NREP: variants seen among roughly 807,000 people sequenced by gnomAD.
NREP encodes the protein neuronal regeneration related protein, also known as neuronal regeneration-related protein.
In NREP, 5 loss-of-function variants were observed where a neutral mutation model predicts 8.6. That is an observed-to-expected ratio of 0.58 (90% CI 0.30 to 1.22). The LOEUF is 1.22. NREP is among the 50% of genes most tolerant of loss of function. The pLI is 0.07. For synonymous variants in NREP, 27 were observed against 28.0 expected (o/e 0.96, Z 0.11); for missense variants, 86 against 82.5 (o/e 1.04, Z -0.17).
intron 2 of NREP, among the ~76,000 whole-genome samples, chr5:111,856,762 C>A (rs1420076938): frequency 1.3e-5 from 2 of 151,390 alleles, no homozygotes; most frequent in Non-Finnish European, 2.9e-5. Context: ...AAAAAACCGA[C>A]TGGTTTGATG....
At chr5:111,826,556 G>A (rs1424651751) in intron 2 of NREP, among the ~76,000 whole-genome samples, 6 of 152,174 alleles carry the variant, frequency 3.9e-5, no homozygotes, top group African/African-American at 1.4e-4. Context: ...AACAAACTCA[G>A]GACACACCAT....
chr5:111,885,037 C>T (rs1374999854), intron 2 of NREP, among the ~76,000 whole-genome samples: 1 of 152,158 alleles, frequency 6.6e-6, no homozygotes, highest in Non-Finnish European at 1.5e-5. Flanking sequence ...GTCAAATTGT[C>T]CCTGTTTGCA....
chr5:111,755,984 G>C, intron 1 of NREP, 154 bp from the exon 2 acceptor site: 1 of 1,427,472 alleles, frequency 7.0e-7, no homozygotes, highest in South Asian at 1.5e-5. Flanking sequence ...TTCTGAAAGA[G>C]CTTTCCAAGT....
At chr5:111,875,126 C>G (rs887948641) in intron 2 of NREP, among the ~76,000 whole-genome samples, 13 of 152,034 alleles carry the variant, frequency 8.6e-5, no homozygotes, top group Non-Finnish European at 1.6e-4. Flanking sequence ...ATAACAAAGA[C>G]AAGGCATACT....
chr5:111,871,095 T>C (rs1263361593), intron 2 of NREP, among the ~76,000 whole-genome samples: 1 of 144,462 alleles, frequency 6.9e-6, no homozygotes, highest in East Asian at 2.0e-4. Context: ...TGTGTAGTCA[T>C]GCATTGCTTA....
chr5:111,835,124 G>A (rs569269803), intron 2 of NREP, among the ~76,000 whole-genome samples: 1 of 152,274 alleles, frequency 6.6e-6, no homozygotes, highest in East Asian at 1.9e-4. Flanking sequence ...AAACAGGAAA[G>A]TTAGTTGATT....
At chr5:111,913,721 T>G (rs1754976548) in intron 2 of NREP, among the ~76,000 whole-genome samples, 1 of 152,128 alleles carries the variant, frequency 6.6e-6, no homozygotes, top group African/African-American at 2.4e-5. Context: ...TTAAGATTTG[T>G]AGGGAGAAAA....
At chr5:111,747,257 TCTC>T (rs1383591738) in intron 2 of NREP, among the ~76,000 whole-genome samples, 5 of 152,176 alleles carry the variant, frequency 3.3e-5, no homozygotes, top group South Asian at 2.1e-4. Context: ...AGCAGTATCT[TCTC>T]CTAATTTCTA....
At chr5:111,929,407 G>A (rs1455479082) in intron 2 of NREP, among the ~76,000 whole-genome samples, 16 of 152,214 alleles carry the variant, frequency 1.1e-4, no homozygotes, top group Admixed American at 9.8e-4. Context: ...TACCTACCAT[G>A]GTAGGAAGCC....
intron 2 of NREP, among the ~76,000 whole-genome samples, chr5:111,827,593 G>A (rs117203511): frequency 1.3e-5 from 2 of 152,324 alleles, no homozygotes; most frequent in East Asian, 3.9e-4. Flanking sequence ...GTTCACACCT[G>A]CAATTTGGGA....
chr5:111,838,332 C>CTA (rs1190257522), intron 2 of NREP, among the ~76,000 whole-genome samples: 2 of 152,092 alleles, frequency 1.3e-5, no homozygotes, highest in African/African-American at 4.8e-5. Flanking sequence ...CAGCACAGGG[C>CTA]TATAGGGCTA....
chr5:111,956,911 C>T (rs927001624), intron 2 of NREP, among the ~76,000 whole-genome samples: 2 of 151,848 alleles, frequency 1.3e-5, no homozygotes, highest in African/African-American at 4.8e-5. Context: ...TTGCAGTGAG[C>T]AGAGATTGCA....
chr5:111,750,096 G>C (rs936534491), intron 2 of NREP, among the ~76,000 whole-genome samples: 1 of 152,100 alleles, frequency 6.6e-6, no homozygotes, highest in African/African-American at 2.4e-5. Context: ...TCAAGTCCTT[G>C]ACTTCTAGGT....
At chr5:111,788,558 T>G (rs1388108275) in intron 2 of NREP, among the ~76,000 whole-genome samples, 1 of 152,178 alleles carries the variant, frequency 6.6e-6, no homozygotes, top group Non-Finnish European at 1.5e-5. Context: ...CAGTCTCACA[T>G]GCACCCAGAA....
intron 2 of NREP, among the ~76,000 whole-genome samples, chr5:111,953,296 T>G (rs1232842800): frequency 6.6e-6 from 1 of 152,156 alleles, no homozygotes; most frequent in East Asian, 1.9e-4. Context: ...GTGTGGCCAT[T>G]GCAGCAAACA....
rs918184846 is a variant in NREP at position 111,947,291 on chromosome 5, A to G, written c.135+27983T>C. ...TAGAGAAAAAACCTTTTTGATTCAG[A>G]TTTTATTAATTCAGATTCAATGTTC... On this transcript the variant is annotated intron_variant, in intron 2 of 3. Coordinates refer to the NREP transcript ENST00000395634. 7.9e-5 allele frequency among the ~76,000 whole-genome samples: 12 copies of G among 152,116 alleles called. 2 individuals are homozygous for G. Among genetic ancestry groups the G allele is most frequent in the Admixed American group, 2.6e-4 (4 of 15,238 alleles).
chr5:111,790,347 CTTTTTTTTTTTTTTTTTTTTTT>C (rs57775701), intron 2 of NREP, among the ~76,000 whole-genome samples: 1 of 59,594 alleles, frequency 1.7e-5, no homozygotes, highest in African/African-American at 6.9e-5. Flanking sequence ...AAAACCTTAA[CTTTTTTTTTTTTTTTTTTTTTT>C]TTTTTTTTTT....
At chr5:111,834,543 T>C (rs973937388) in intron 2 of NREP, among the ~76,000 whole-genome samples, 2 of 152,218 alleles carry the variant, frequency 1.3e-5, no homozygotes, top group African/African-American at 4.8e-5. Context: ...TATTTTACAC[T>C]CTCACAATAT....
chr5:111,961,179 C>T (rs1401412929), intron 2 of NREP, among the ~76,000 whole-genome samples: 1 of 152,180 alleles, frequency 6.6e-6, no homozygotes. Flanking sequence ...ACGAAGGTTC[C>T]CTGGCTGTCA....
Sources: allele counts gnomAD v4.1 joint callset (sites outside exome capture counted in the v4.1 genomes callset), GRCh38; gene constraint gnomAD v4.1.1; transcripts MANE v1.5; gene names NCBI Gene and HGNC (gene_info 2026-07-23, HGNC 2026-07-21).